MYCBP2: variants seen among roughly 807,000 people sequenced by gnomAD.
The protein encoded by MYCBP2 is E3 ubiquitin-protein ligase MYCBP2.
In MYCBP2, 120 loss-of-function variants were observed where a neutral mutation model predicts 525.3. That is an observed-to-expected ratio of 0.23 (90% CI 0.20 to 0.27). The LOEUF (loss-of-function observed/expected upper bound fraction) is 0.27, where lower values mean the gene tolerates loss of function less well. Among genes scored for constraint, MYCBP2 ranks in the 10% least tolerant of loss-of-function variants. MYCBP2 has a pLI of 1.00. For synonymous variants in MYCBP2, 1,894 were observed against 1,955.8 expected (o/e 0.97, Z 0.83); for missense variants, 4,149 against 5,657.1 (o/e 0.73, Z 8.55).
chr13:77,295,489 A>G lies in MYCBP2; in HGVS notation c.378+1110T>C, dbSNP rs538207081. On this transcript the variant is annotated intron_variant, in intron 2 of 82. Coordinates refer to ENST00000544440, the MANE Select transcript of MYCBP2 (RefSeq NM_015057.5). ...GTCTCAAGATAGAGCCACCAAATAA[A>G]TGCCATCCCCCAACCTTTCATTTTA... Among the ~76,000 whole-genome samples the G allele has an allele frequency of 3.9e-5, 6 of 152,308 alleles. No homozygotes were observed. The South Asian group carries it at 1.2e-3, about 32-fold the overall frequency.
chr13:77,207,211 T>C (rs950136068), intron 23 of MYCBP2, among the ~76,000 whole-genome samples: 1 of 152,114 alleles, frequency 6.6e-6, no homozygotes, highest in African/African-American at 2.4e-5. Context: ...ATATCCTCAA[T>C]GTATAAGAGC....
At position 77,264,116 on chromosome 13, in the gene MYCBP2, A is replaced by G. The variant is rs529235630; in HGVS notation, c.1358-114T>C. Reference sequence around the variant, plus strand: ...TCTCCACGCAATAAGGATAAACTCAAAAGGAGACTGTGCTTTTTAATAAAG... The same window carrying G: ...TCTCCACGCAATAAGGATAAACTCAGAAGGAGACTGTGCTTTTTAATAAAG... On this transcript the variant is annotated intron_variant, in intron 8 of 82. Coordinates refer to ENST00000544440, the MANE Select transcript of MYCBP2 (RefSeq NM_015057.5). The G allele has an allele frequency of 9.0e-5, 59 of 653,256 alleles. No individual in the cohort carries two copies. In the East Asian group the frequency reaches 1.5e-3, roughly 17 times the overall value. 40.5% of individuals were successfully genotyped at this position (653,256 alleles called of 1,614,324 possible). A position where few individuals can be genotyped will look rare whatever the true frequency, so the allele number is the denominator to read the frequency against.
At chr13:77,232,994 T>C (rs148451019) in intron 18 of MYCBP2, among the ~76,000 whole-genome samples, 162 bp downstream of exon 18, 12 of 152,356 alleles carry the variant, frequency 7.9e-5, no homozygotes, top group African/African-American at 2.9e-4. Context: ...TGACAGTCAC[T>C]GACAAACGGT....
chr13:77,207,678 A>G (rs2063509433), intron 23 of MYCBP2, among the ~76,000 whole-genome samples: 1 of 152,206 alleles, frequency 6.6e-6, no homozygotes, highest in South Asian at 2.1e-4. Context: ...AAAATATATT[A>G]TGGTAGCTTC....
At chr13:77,049,769 C>G (rs1272023687) in intron 82 of MYCBP2, among the ~76,000 whole-genome samples, 1 of 151,980 alleles carries the variant, frequency 6.6e-6, no homozygotes. Context: ...GTGAGTAGCT[C>G]GGATTACAGG....
At chr13:77,123,207 A>T (rs2051057210) in intron 54 of MYCBP2, among the ~76,000 whole-genome samples, 1 of 152,230 alleles carries the variant, frequency 6.6e-6, no homozygotes, top group South Asian at 2.1e-4. Flanking sequence ...AATCTTAGTG[A>T]TTTAAAGGCA....
At position 77,260,462 on chromosome 13, in the gene MYCBP2, C is replaced by G; in HGVS notation, c.1983G>C (p.Met661Ile). 6.2e-7 allele frequency: 1 copy of G among 1,606,580 alleles called. No homozygotes were observed. Among genetic ancestry groups the G allele is most frequent in the South Asian group, 1.1e-5 (1 of 89,004 alleles). The change falls in exon 13 of 83, where the codon ATG (methionine) becomes ATC (isoleucine). Residue 661 changes from methionine to isoleucine, a missense_variant. Transcript: ENST00000544440. ...SVISKDGELY[M>I]FGKDAIYSDS... ...CAGAGTAAATGGCATCTTTTCCAAA[C>G]ATGTAGAGTTCTCCATCTTTAGAAA...
intron 69 of MYCBP2, among the ~76,000 whole-genome samples, chr13:77,069,503 G>T (rs2040775027): frequency 6.6e-6 from 1 of 151,640 alleles, no homozygotes; most frequent in African/African-American, 2.4e-5. Flanking sequence ...AGTTTGGGAG[G>T]CCGAGGCAGG....
At chr13:77,301,289 G>A (rs528634273) in intron 1 of MYCBP2, among the ~76,000 whole-genome samples, 2 of 151,984 alleles carry the variant, frequency 1.3e-5, no homozygotes, top group African/African-American at 4.8e-5. Flanking sequence ...GGTGGTGCAC[G>A]CCTGCAATCC....
At chr13:77,228,588 A>G (rs2066658252) in intron 18 of MYCBP2, among the ~76,000 whole-genome samples, 1 of 152,108 alleles carries the variant, frequency 6.6e-6, no homozygotes, top group African/African-American at 2.4e-5. Context: ...TTAGATCTAT[A>G]TAAAAAATTA....
chr13:77,169,465 A>C (rs1053880785), intron 39 of MYCBP2, 149 bp downstream of exon 39: 28 of 632,730 alleles, frequency 4.4e-5, no homozygotes, highest in Admixed American at 8.8e-5. Flanking sequence ...AGAAGAGAGA[A>C]GTTTAATAAT....
intron 18 of MYCBP2, among the ~76,000 whole-genome samples, chr13:77,230,532 A>G (rs961402845): frequency 6.6e-6 from 1 of 152,248 alleles, no homozygotes; most frequent in East Asian, 1.9e-4. Flanking sequence ...TTGCATATAC[A>G]TTATGAGATA....
chr13:77,166,264 C>T, intron 41 of MYCBP2, 65 bp downstream of exon 41: 1 of 1,104,252 alleles, frequency 9.1e-7, no homozygotes, highest in Non-Finnish European at 1.3e-6. Context: ...CAATGATACA[C>T]CCTTACTAAA....
At chr13:77,232,825 A>G (rs895645554) in intron 18 of MYCBP2, among the ~76,000 whole-genome samples, 6 of 152,226 alleles carry the variant, frequency 3.9e-5, no homozygotes, top group African/African-American at 1.4e-4. Context: ...GATCACAGTC[A>G]TTAAAGAGCA....
chr13:77,317,368 A>G (rs1237025987), intron 1 of MYCBP2, among the ~76,000 whole-genome samples: 1 of 152,218 alleles, frequency 6.6e-6, no homozygotes, highest in Non-Finnish European at 1.5e-5. Context: ...GAGAACCAGG[A>G]TCTTTTAACC....
chr13:77,269,902 T>G, intron 7 of MYCBP2, 90 bp downstream of exon 7: 1 of 962,412 alleles, frequency 1.0e-6, no homozygotes, highest in East Asian at 2.4e-5. Flanking sequence ...CATTTCTGTT[T>G]AAATAGAAGT....
rs114984826 is a variant in MYCBP2 at position 77,211,871 on chromosome 13, A to G, written c.3262+85T>C. On this transcript the variant is annotated intron_variant, in intron 22 of 82. Transcript: ENST00000544440. ...AAAGAAAACAAAAAGCTACAAAAGT[A>G]CATTTCATTAAAGGGAAAGATAAAC... 2,396 of 1,096,340 alleles carry G rather than the reference A, an allele frequency of 2.2e-3. 42 individuals carry two copies. In the African/African-American group the frequency reaches 0.033, roughly 15 times the overall value. The allele number at this position is 1,096,340 out of a possible 1,614,324, so 67.9% of individuals were successfully genotyped here. A position where few individuals can be genotyped will look rare whatever the true frequency, so the allele number is the denominator to read the frequency against.
At chr13:77,214,030 CCCAAAAA>C (rs1566945331) in intron 21 of MYCBP2, among the ~76,000 whole-genome samples, 1 of 152,112 alleles carries the variant, frequency 6.6e-6, no homozygotes, top group African/African-American at 2.4e-5. Flanking sequence ...AACACATGCC[CCCAAAAA>C]GAAAGTTAAC....
intron 62 of MYCBP2, among the ~76,000 whole-genome samples, chr13:77,086,662 AC>A (rs371224062): frequency 1.4e-4 from 22 of 152,256 alleles, no homozygotes; most frequent in Admixed American, 5.9e-4. Flanking sequence ...GATAATTTCT[AC>A]AGGTCTCTTA....
Sources: gnomAD v4.1 joint callset for allele counts (sites outside exome capture counted in the v4.1 genomes callset) on GRCh38, gnomAD v4.1.1 for gene constraint, MANE v1.5 for transcripts, NCBI Gene and HGNC (gene_info 2026-07-23, HGNC 2026-07-21) for gene names.